Variants in ZNF804B observed in about 807,000 individuals in gnomAD.
ZNF804B encodes zinc finger protein 804B, also known as zinc finger 804B.
In ZNF804B, 80 loss-of-function variants were observed where a neutral mutation model predicts 101.4. The observed-to-expected ratio is 0.79, with a 90% confidence interval of 0.66 to 0.95. The LOEUF (loss-of-function observed/expected upper bound fraction) is 0.95, where lower values mean the gene tolerates loss of function less well. ZNF804B is among the 40% of genes least tolerant of loss of function. The pLI is 0.00. For missense variants in ZNF804B, 1,673 were observed against 1,561.9 expected (o/e 1.07, Z -1.20); for synonymous variants, 622 against 558.8 (o/e 1.11, Z -1.59).
intron 1 of ZNF804B, among the ~76,000 whole-genome samples, chr7:88,891,179 A>G (rs1792207923): frequency 6.6e-6 from 1 of 152,128 alleles, no homozygotes; most frequent in Non-Finnish European, 1.5e-5. Flanking sequence ...ATCCTTATAT[A>G]TTATGACCTT....
chr7:89,155,885 TTCTC>T (rs577175566), intron 1 of ZNF804B, among the ~76,000 whole-genome samples: 14 of 151,990 alleles, frequency 9.2e-5, no homozygotes, highest in Admixed American at 4.6e-4. Context: ...TCCTCCTTCC[TTCTC>T]TCTCTTTCTT....
At chr7:89,136,752 TGTGTGTGTGTGTGC>T (rs1163933984) in intron 1 of ZNF804B, among the ~76,000 whole-genome samples, 5 of 134,774 alleles carry the variant, frequency 3.7e-5, no homozygotes, top group Non-Finnish European at 5.1e-5. Flanking sequence ...TGTGTGTGTG[TGTGTGTGTGTGTGC>T]GCGCACGTGT....
At position 89,218,245 on chromosome 7, in the gene ZNF804B, C is replaced by T. The variant is rs142926489; in HGVS notation, c.199C>T (p.His67Tyr). The change falls in exon 2 of 4, where the codon CAC becomes TAC. Residue 67 changes from histidine (H) to tyrosine (Y), a missense_variant. By Grantham distance (83) the His-to-Tyr change is moderately conservative. Coordinates refer to ENST00000333190, the MANE Select transcript of ZNF804B (RefSeq NM_181646.5). ...ATTATGTGACAAGCAGTATCACAAA[C>T]ACCAGGAGTTTGACAATCATATTAA... ...CELCDKQYHK[H>Y]QEFDNHINSY... is the part of the protein sequence containing the mutation. 9 of 1,613,756 alleles carry T rather than the reference C, an allele frequency of 5.6e-6. No individual in the cohort carries two copies. The African/African-American group carries it at 6.7e-5, about 12-fold the overall frequency.
chr7:88,877,026 A>ATATATATATAT (rs1491138122), intron 1 of ZNF804B, among the ~76,000 whole-genome samples: 1 of 41,096 alleles, frequency 2.4e-5, no homozygotes, highest in African/African-American at 1.7e-4. Flanking sequence ...ATATATATAT[A>ATATATATATAT]ATATATATAT....
intron 2 of ZNF804B, among the ~76,000 whole-genome samples, chr7:89,300,367 T>A (rs992136796): frequency 6.6e-6 from 1 of 151,884 alleles, no homozygotes; most frequent in African/African-American, 2.4e-5. Flanking sequence ...CCCTCTTTTT[T>A]TTTTAACCTG....
At chr7:88,858,622 T>C (rs1002531) in intron 1 of ZNF804B, among the ~76,000 whole-genome samples, 5,888 of 152,202 alleles carry the variant, frequency 0.039, 259 homozygotes, top group East Asian at 0.22. Context: ...ATGAACATAC[T>C]GGGGTACTTT....
chr7:89,243,419 C>T (rs1789398055), intron 2 of ZNF804B, among the ~76,000 whole-genome samples: 2 of 151,644 alleles, frequency 1.3e-5, no homozygotes, highest in Admixed American at 6.6e-5. Flanking sequence ...TTTTATCAGA[C>T]CAGAATGCAC....
intron 1 of ZNF804B, among the ~76,000 whole-genome samples, chr7:88,999,400 A>G (rs909044501): frequency 2.0e-5 from 3 of 152,046 alleles, no homozygotes; most frequent in African/African-American, 7.2e-5. Flanking sequence ...ACAGATTTAA[A>G]TTGATTTCTT....
intron 2 of ZNF804B, among the ~76,000 whole-genome samples, chr7:89,220,997 G>C (rs1788996461): frequency 6.6e-6 from 1 of 151,762 alleles, no homozygotes. Flanking sequence ...TTCATGGCAA[G>C]AATATATTAG....
At chr7:88,907,583 A>G (rs529837054) in intron 1 of ZNF804B, among the ~76,000 whole-genome samples, 59 of 152,104 alleles carry the variant, frequency 3.9e-4, no homozygotes, top group Admixed American at 2.0e-3. Context: ...TACTATTACT[A>G]TGACCATTTT....
intron 1 of ZNF804B, among the ~76,000 whole-genome samples, chr7:89,016,014 G>A (rs1334464125): frequency 6.6e-6 from 1 of 152,148 alleles, no homozygotes; most frequent in African/African-American, 2.4e-5. Context: ...TCCTGGCTTT[G>A]TAATGATTGC....
At chr7:88,849,921 A>G (rs1445639687) in intron 1 of ZNF804B, among the ~76,000 whole-genome samples, 1 of 152,012 alleles carries the variant, frequency 6.6e-6, no homozygotes. Context: ...TAGAGAAAAA[A>G]ATTTGACCTC....
At chr7:88,893,907 A>G (rs1378924981) in intron 1 of ZNF804B, among the ~76,000 whole-genome samples, 1 of 152,192 alleles carries the variant, frequency 6.6e-6, no homozygotes, top group Non-Finnish European at 1.5e-5. Context: ...AGGATGAAGC[A>G]TTCTGATGAT....
chr7:89,218,336 A>G (rs926163269), intron 2 of ZNF804B, 41 bp downstream of exon 2: 1 of 1,609,288 alleles, frequency 6.2e-7, no homozygotes, highest in African/African-American at 1.3e-5. Context: ...TCCTGTATTT[A>G]TACCTTCAGA....
intron 1 of ZNF804B, among the ~76,000 whole-genome samples, chr7:89,059,356 A>G (rs558537476): frequency 8.5e-5 from 13 of 152,256 alleles, no homozygotes; most frequent in African/African-American, 3.1e-4. Context: ...GTGGGCCTCT[A>G]CTTCTGGTGA....
At chr7:89,281,255 CT>C (rs1235018217) in intron 2 of ZNF804B, among the ~76,000 whole-genome samples, 4 of 152,068 alleles carry the variant, frequency 2.6e-5, no homozygotes, top group Non-Finnish European at 5.9e-5. Flanking sequence ...TTTATTTTGG[CT>C]CCCAGGGGAG....
chr7:89,136,277 A>G (rs909782100), intron 1 of ZNF804B, among the ~76,000 whole-genome samples: 3 of 152,022 alleles, frequency 2.0e-5, no homozygotes, highest in Admixed American at 6.6e-5. Context: ...AATACTTACC[A>G]TATTCACTGT....
chr7:89,291,878 A>C (rs1790297133), intron 2 of ZNF804B, among the ~76,000 whole-genome samples: 1 of 152,168 alleles, frequency 6.6e-6, no homozygotes, highest in African/African-American at 2.4e-5. Flanking sequence ...GGATCCTAAA[A>C]GCAGCAAGAG....
intron 1 of ZNF804B, among the ~76,000 whole-genome samples, chr7:89,050,047 C>CG (rs1789171520): frequency 6.6e-6 from 1 of 151,966 alleles, no homozygotes; most frequent in African/African-American, 2.4e-5. Flanking sequence ...TCTCACTAGT[C>CG]TAAGTAGATG....
Sources: gnomAD v4.1 joint callset for allele counts (sites outside exome capture counted in the v4.1 genomes callset) on GRCh38, gnomAD v4.1.1 for gene constraint, MANE v1.5 for transcripts, NCBI Gene and HGNC (gene_info 2026-07-23, HGNC 2026-07-21) for gene names.